The following FBXO33 variants were observed in gnomAD, a reference collection of about 807,000 sequenced individuals.
FBXO33 encodes the protein F-box protein 33, also known as F-box only protein 33.
Under a neutral mutation model 46.3 loss-of-function variants are expected in FBXO33, and 22 were observed. The observed-to-expected ratio is 0.48, with a 90% CI of 0.34 to 0.68. The LOEUF (loss-of-function observed/expected upper bound fraction) is 0.68, where lower values mean the gene tolerates loss of function less well. FBXO33 is among the 30% of genes least tolerant of loss of function. The pLI is 0.01. For synonymous variants in FBXO33, 337 were observed against 291.3 expected, an observed-to-expected ratio of 1.16 and a Z score of -1.60; for missense variants, 692 against 708.8, an observed-to-expected ratio of 0.98 and a Z score of 0.27.
intron 1 of FBXO33, among the ~76,000 whole-genome samples, chr14:39,403,755 T>A (rs777823183): frequency 6.6e-6 from 1 of 151,958 alleles, no homozygotes; most frequent in Non-Finnish European, 1.5e-5. Flanking sequence ...AAAAAATGTA[T>A]CATCTACAAC....
chr14:39,412,569 C>T (rs2075428540), intron 1 of FBXO33, among the ~76,000 whole-genome samples: 1 of 152,138 alleles, frequency 6.6e-6, no homozygotes, highest in South Asian at 2.1e-4. Flanking sequence ...TAGGTAAAGA[C>T]TTACTATCGT....
chr14:39,431,527 C>T lies in FBXO33; in HGVS notation c.599+37G>A, dbSNP rs1257844871. On this transcript the variant is annotated intron_variant, in intron 1 of 3. Coordinates refer to ENST00000298097, the MANE Select transcript of FBXO33 (RefSeq NM_203301.4). ...CGGGGTGCGGGGACGGAGCGACCCC[C>T]CGTTACCGGGCGGGGCGGGGCTCAG... 7 of 1,605,604 alleles carry T rather than the reference C, an allele frequency of 4.4e-6. No homozygotes were observed. The African/African-American group carries it at 9.3e-5, about 21-fold the overall frequency.
In FBXO33 at chr14:39,426,426, G is replaced by A. The variant is rs2075514903; in HGVS notation, c.599+5138C>T. ...AACTTGTCCCCCTACTTTCTCTCTT[G>A]GTCCCTAAGTCGCTCATAAAATGGC... On this transcript the variant is annotated intron_variant, in intron 1 of 3. Transcript: ENST00000298097. Among the ~76,000 whole-genome samples, 3 of 151,968 alleles carry A rather than the reference G, an allele frequency of 2.0e-5. No individual in the cohort carries two copies. The South Asian group carries it at 6.2e-4, about 32-fold the overall frequency.
At chr14:39,407,811 A>G (rs2075405888) in intron 1 of FBXO33, among the ~76,000 whole-genome samples, 1 of 152,236 alleles carries the variant, frequency 6.6e-6, no homozygotes, top group South Asian at 2.1e-4. Context: ...ATACATATCC[A>G]GAAATATTCC....
At chr14:39,419,336 A>G (rs995011782) in intron 1 of FBXO33, among the ~76,000 whole-genome samples, 2 of 152,256 alleles carry the variant, frequency 1.3e-5, no homozygotes, top group African/African-American at 4.8e-5. Context: ...GGAAAACAGT[A>G]ACTTTAAAAG....
intron 1 of FBXO33, among the ~76,000 whole-genome samples, chr14:39,428,862 C>T (rs527253695): frequency 6.6e-6 from 1 of 152,260 alleles, no homozygotes; most frequent in East Asian, 1.9e-4. Flanking sequence ...ACCTAAAATA[C>T]AGTTGAATGA....
intron 1 of FBXO33, among the ~76,000 whole-genome samples, chr14:39,418,170 TCTC>T (rs1428686148): frequency 1.3e-5 from 2 of 151,678 alleles, no homozygotes; most frequent in Non-Finnish European, 2.9e-5. Flanking sequence ...TTCACGTCAT[TCTC>T]CTGCCTCAGC....
chr14:39,412,491 A>G (rs979064833), intron 1 of FBXO33, among the ~76,000 whole-genome samples: 57 of 152,174 alleles, frequency 3.7e-4, no homozygotes, highest in Non-Finnish European at 7.3e-5. Context: ...CTGTTTTTTA[A>G]TTCATTCAGC....
chr14:39,426,040 TC>T (rs1177426283), intron 1 of FBXO33, among the ~76,000 whole-genome samples: 3 of 152,056 alleles, frequency 2.0e-5, no homozygotes, highest in African/African-American at 7.2e-5. Context: ...ATAACTACCA[TC>T]CCCAAATCCC....
In FBXO33 at chr14:39,431,929, G is replaced by A. The variant is rs775331921; in HGVS notation, c.234C>T (p.His78=). ...CGGGCGCCGGCAGAAAAGAGAAGAT[G>A]TGCACGATCAGCTCGCTGGGCAGCG... ...AASLPSELIV[H]IFSFLPAPDR... The change falls in exon 1 of 4, where the codon CAC becomes CAT. Residue 78 remains histidine (H), a synonymous_variant. Coordinates refer to ENST00000298097, the MANE Select transcript of FBXO33 (RefSeq NM_203301.4). 1.5e-4 allele frequency: 226 copies of A among 1,535,850 alleles called. No individual in the cohort carries two copies. Among genetic ancestry groups the A allele is most frequent in the Non-Finnish European group, 1.5e-4 (170 of 1,147,106 alleles).
At chr14:39,428,500 C>T (rs1039981576) in intron 1 of FBXO33, among the ~76,000 whole-genome samples, 1 of 151,898 alleles carries the variant, frequency 6.6e-6, no homozygotes, top group Non-Finnish European at 1.5e-5. Flanking sequence ...CCACCCCTGG[C>T]CAACGATATG....
At chr14:39,429,151 T>C (rs2075531013) in intron 1 of FBXO33, among the ~76,000 whole-genome samples, 1 of 152,166 alleles carries the variant, frequency 6.6e-6, no homozygotes, top group Admixed American at 6.5e-5. Context: ...GTTCACACAA[T>C]TCAAGTTTAT....
intron 1 of FBXO33, among the ~76,000 whole-genome samples, chr14:39,412,601 C>T (rs769695755): frequency 6.7e-6 from 1 of 148,200 alleles, no homozygotes; most frequent in Non-Finnish European, 1.5e-5. Context: ...TAGTTTTTTT[C>T]ATTCCTTTCT....
chr14:39,412,578 G>A (rs917700944), intron 1 of FBXO33, among the ~76,000 whole-genome samples: 6 of 151,736 alleles, frequency 4.0e-5, no homozygotes, highest in Non-Finnish European at 8.8e-5. Flanking sequence ...ACTTACTATC[G>A]TCATTTTGTT....
At chr14:39,402,004 T>C (rs2075370913) in intron 2 of FBXO33, 143 bp from the exon 3 acceptor site, 1 of 634,818 alleles carries the variant, frequency 1.6e-6, no homozygotes, top group Non-Finnish European at 2.7e-6. Flanking sequence ...CAACCCACAG[T>C]AAATACCATT....
intron 1 of FBXO33, among the ~76,000 whole-genome samples, chr14:39,407,701 T>C (rs2075405394): frequency 6.6e-6 from 1 of 152,234 alleles, no homozygotes; most frequent in Non-Finnish European, 1.5e-5. Flanking sequence ...CATCTTTTGA[T>C]GGACATTTGG....
rs759490824 is a variant in FBXO33 at position 39,401,807 on chromosome 14, C to T, written c.765G>A (p.Leu255=). The change falls in exon 3 of 4, where the codon CTG becomes CTA. Residue 255 remains leucine (L), a synonymous_variant. Transcript: ENST00000298097. ...CTATTTCCAGCATAAACCCACAGGA[C>T]AGCCATTTCAGTTGCCTACTATTAC... ...ILSNSRQLKW[L]SCGFMLEIVT... is the part of the protein sequence containing the mutation. The T allele has an allele frequency of 1.2e-6, 2 of 1,613,960 alleles. No homozygotes were observed. The highest frequency in any genetic ancestry group is 1.7e-6 in the Non-Finnish European group (2 of 1,179,994).
chr14:39,418,790 C>CA (rs71130850), intron 1 of FBXO33, among the ~76,000 whole-genome samples: 4,642 of 136,878 alleles, frequency 0.034, 261 homozygotes, highest in African/African-American at 0.12. Context: ...AAAAAAAAAA[C>CA]AAAAAAAAAA....
Position 39,432,165 on chromosome 14 carries a change from A to G in FBXO33, c.-3T>C. 1 of 1,230,262 alleles carries G rather than the reference A, an allele frequency of 8.1e-7. No individual in the cohort carries two copies. The highest frequency in any genetic ancestry group is 3.2e-5 in the East Asian group (1 of 31,172). The allele number at this position is 1,230,262 out of a possible 1,614,324, so 76.2% of individuals were successfully genotyped here. On this transcript the variant is annotated 5_prime_UTR_variant, in exon 1 of 4. Transcript: ENST00000298097. ...GGCACTGACAAGAACAACAACATCA[A>G]TGACTAGGAAGAAGGGGGCGGAACC... is the stretch of plus-strand genomic sequence containing the variant.
Sources: gnomAD v4.1 joint callset for allele counts (sites outside exome capture counted in the v4.1 genomes callset) on GRCh38, gnomAD v4.1.1 for gene constraint, MANE v1.5 for transcripts, NCBI Gene and HGNC (gene_info 2026-07-23, HGNC 2026-07-21) for gene names.